The following EGFL6 variants were observed in gnomAD, a reference collection of about 807,000 sequenced individuals.
EGFL6 encodes the protein EGF like domain multiple 6.
In EGFL6, 42 loss-of-function variants were observed where a neutral mutation model predicts 43.1. The observed-to-expected ratio is 0.98, with a 90% CI of 0.76 to 1.26. The LOEUF is 1.26. Ranked by LOEUF, EGFL6 falls within the 50% of genes most tolerant of loss-of-function variation. EGFL6 has a pLI of 0.00. For synonymous variants in EGFL6, 164 were observed against 163.2 expected (o/e 1.01, Z -0.04); for missense variants, 429 against 427.8 (o/e 1.00, Z -0.02).
intron 7 of EGFL6, among the ~76,000 whole-genome samples, 159 bp downstream of exon 7, chrX:13,608,605 T>C (rs1223386360): frequency 4.5e-5 from 5 of 112,005 alleles, no homozygotes; most frequent in South Asian, 3.8e-4. Context: ...ACTCTCTGCC[T>C]CAGCCTTCTC....
chrX:13,618,559 T>C (rs1305984224), intron 8 of EGFL6, among the ~76,000 whole-genome samples: 2 of 112,423 alleles, frequency 1.8e-5, no homozygotes, highest in African/African-American at 6.5e-5. Flanking sequence ...TAGTGGAGCT[T>C]AAGTTTTCTA....
At chrX:13,630,227 T>C (rs1352712264) in intron 11 of EGFL6, among the ~76,000 whole-genome samples, 1 of 112,215 alleles carries the variant, frequency 8.9e-6, no homozygotes, top group Non-Finnish European at 1.9e-5. Context: ...AAAAGTCTGC[T>C]TTTGATTGTT....
At position 13,589,642 on chromosome X, in the gene EGFL6, G is replaced by A. The variant is rs866378750; in HGVS notation, c.161G>A (p.Arg54Lys). The A allele has an allele frequency of 8.3e-7, 1 of 1,210,982 alleles. No homozygotes were observed. The highest frequency in any genetic ancestry group is 1.1e-6 in the Non-Finnish European group (1 of 894,912). The change falls in exon 2 of 12, where the codon AGA becomes AAA. Residue 54 changes from arginine to lysine, a missense_variant. Physicochemically the swap from Arg to Lys is conservative, Grantham distance 26. Coordinates refer to ENST00000361306, the MANE Select transcript of EGFL6 (RefSeq NM_015507.4). ...GTKLACCYGW[R>K]RNSKGVCEAT... Reference sequence around the variant, plus strand: ...AAACTGGCCTGCTGCTACGGCTGGAGAAGAAACAGCAAGGGAGTCTGTGAA... The same window carrying A: ...AAACTGGCCTGCTGCTACGGCTGGAAAAGAAACAGCAAGGGAGTCTGTGAA...
intron 7 of EGFL6, among the ~76,000 whole-genome samples, chrX:13,612,190 T>C (rs1253450184): frequency 9.0e-6 from 1 of 110,960 alleles, no homozygotes; most frequent in South Asian, 3.9e-4. Context: ...CAGAGGACCC[T>C]GCGGCCTTCC....
rs1269171404 is a variant in EGFL6 at position 13,594,878 on chromosome X, C to G, written c.230C>G (p.Pro77Arg). 1 of 1,210,815 alleles carries G rather than the reference C, an allele frequency of 8.3e-7. No homozygotes were observed. Among genetic ancestry groups the G allele is most frequent in the Non-Finnish European group, 1.1e-6 (1 of 894,896 alleles). Residue 77 changes from proline (P) to arginine (R), a missense_variant, in exon 3 of 12, where the codon CCA becomes CGA. Transcript: ENST00000361306. ...PGCKFGECVG[P>R]NKCRCFPGYT... ...TGTAAGTTTGGTGAGTGCGTGGGAC[C>G]AAACAAATGCAGATGCTTTCCAGGA... is the stretch of plus-strand genomic sequence containing the variant.
intron 11 of EGFL6, among the ~76,000 whole-genome samples, chrX:13,628,756 G>A (rs1423053463): frequency 2.7e-5 from 3 of 111,756 alleles, no homozygotes; most frequent in Non-Finnish European, 3.8e-5. Context: ...GCAGTGAGCC[G>A]AGATCGTGCC....
intron 1 of EGFL6, among the ~76,000 whole-genome samples, chrX:13,585,108 C>A (rs1301873205): frequency 9.0e-6 from 1 of 111,595 alleles, no homozygotes; most frequent in Non-Finnish European, 1.9e-5. Context: ...AACCCAAAGC[C>A]CTAACTTGAT....
At position 13,569,932 on chromosome X, in the gene EGFL6, C is replaced by T; in HGVS notation, c.71C>T (p.Ala24Val). The change falls in exon 1 of 12, where the codon GCC becomes GTC. Residue 24 changes from alanine (A) to valine (V), a missense_variant. By Grantham distance (64) the Ala-to-Val change is moderately conservative (BLOSUM62 0). Coordinates refer to ENST00000361306, the MANE Select transcript of EGFL6 (RefSeq NM_015507.4). ...GTGGCAGGTGGTTTCGGGAACGCGG[C>T]CAGGTGAGTGTCTGACTGGCGATTG... ...SWVAGGFGNA[A>V]SARHHGLLAS... 8.3e-7 allele frequency: 1 copy of T among 1,210,888 alleles called. No homozygotes were observed. Among genetic ancestry groups the T allele is most frequent in the East Asian group, 3.0e-5 (1 of 33,814 alleles).
At chrX:13,585,151 A>T (rs1029929138) in intron 1 of EGFL6, among the ~76,000 whole-genome samples, 4 of 110,634 alleles carry the variant, frequency 3.6e-5, no homozygotes, top group Non-Finnish European at 7.6e-5. Context: ...GCCTCTGCCA[A>T]CCTCTCGGGG....
chrX:13,620,389 T>C (rs765134044), intron 9 of EGFL6, among the ~76,000 whole-genome samples: 2 of 110,963 alleles, frequency 1.8e-5, no homozygotes, highest in African/African-American at 6.6e-5. Flanking sequence ...AACTTCCTTT[T>C]ACTTACCACT....
intron 1 of EGFL6, 114 bp downstream of exon 1, chrX:13,570,049 C>A: frequency 2.8e-6 from 2 of 708,006 alleles, no homozygotes; most frequent in Non-Finnish European, 4.3e-6. Context: ...TGCACGTGTG[C>A]CTGTGCGCGC....
In EGFL6 at chrX:13,603,394, T is replaced by A. The variant is rs2045644281; in HGVS notation, c.478T>A (p.Ser160Thr). Residue 160 changes from serine (S) to threonine (T), a missense_variant, in exon 5 of 12, where the codon TCC (serine) becomes ACC (threonine). By Grantham distance (58) the Ser-to-Thr change is moderately conservative (BLOSUM62 1). Transcript: ENST00000361306. ...TEEGPQCLCP[S>T]SGLRLAPNGR... ...AGAAGGGCCACAGTGCCTGTGTCCA[T>A]CCTCAGGACTCCGCCTGGCCCCAAA... is the stretch of plus-strand genomic sequence containing the variant. 8.3e-7 allele frequency: 1 copy of A among 1,210,487 alleles called. No homozygotes were observed. Among genetic ancestry groups the A allele is most frequent in the Non-Finnish European group, 1.1e-6 (1 of 894,810 alleles).
At chrX:13,601,284 G>A (rs1039475684) in intron 4 of EGFL6, among the ~76,000 whole-genome samples, 11 of 111,492 alleles carry the variant, frequency 9.9e-5, no homozygotes, top group Non-Finnish European at 1.9e-4. Flanking sequence ...AATACATTCC[G>A]ACTTACTCAA....
intron 7 of EGFL6, among the ~76,000 whole-genome samples, chrX:13,616,910 C>T (rs754204098): frequency 2.9e-5 from 3 of 102,859 alleles, no homozygotes; most frequent in African/African-American, 7.3e-5. Flanking sequence ...TCGCCCAGGC[C>T]GGACTGCGGA....
chrX:13,589,024 C>T (rs780992340), intron 1 of EGFL6, among the ~76,000 whole-genome samples: 7 of 112,211 alleles, frequency 6.2e-5, no homozygotes, highest in Non-Finnish European at 1.3e-4. Context: ...CCCAGCTCTG[C>T]TGGGGATGTG....
intron 11 of EGFL6, among the ~76,000 whole-genome samples, chrX:13,630,645 A>AAAATGCACTCAGATT (rs1285421160): frequency 8.9e-6 from 1 of 112,638 alleles, no homozygotes; most frequent in Non-Finnish European, 1.9e-5. Context: ...AGTTCTCAAG[A>AAAATGCACTCAGATT]AAATGCACTC....
intron 7 of EGFL6, among the ~76,000 whole-genome samples, chrX:13,615,540 C>T (rs767464414): frequency 2.7e-5 from 3 of 111,821 alleles, no homozygotes; most frequent in South Asian, 3.7e-4. Context: ...TCACACATTA[C>T]GGTCATAACT....
chrX:13,619,815 G>A (rs188491091), intron 9 of EGFL6, among the ~76,000 whole-genome samples: 1,291 of 111,665 alleles, frequency 0.012, 7 homozygotes, highest in Admixed American at 0.03. Flanking sequence ...GATCTTGGCT[G>A]TGCTTTCTTA....
At chrX:13,575,666 C>T (rs897246755) in intron 1 of EGFL6, among the ~76,000 whole-genome samples, 1 of 112,002 alleles carries the variant, frequency 8.9e-6, no homozygotes, top group Admixed American at 9.5e-5. Context: ...AGATAGAAAC[C>T]GCATAGGATC....
Sources: gnomAD v4.1 joint callset for allele counts (sites outside exome capture counted in the v4.1 genomes callset) on GRCh38, gnomAD v4.1.1 for gene constraint, MANE v1.5 for transcripts, NCBI Gene and HGNC (gene_info 2026-07-23, HGNC 2026-07-21) for gene names.